BCAS3: variants seen among roughly 807,000 people sequenced by gnomAD.
The protein encoded by BCAS3 is BCAS4/BCAS3 fusion.
BCAS3 carries 53 observed loss-of-function variants against 116.1 expected under a neutral mutation model. The ratio of observed to expected loss-of-function variants is 0.46; its 90% CI spans 0.37 to 0.57. BCAS3 has a LOEUF of 0.57. BCAS3 is among the 20% of genes least tolerant of loss of function. The probability of loss-of-function intolerance (pLI) is 0.00; values close to 1 mark genes in which losing one functional copy is unlikely to be tolerated. For synonymous variants in BCAS3, 391 were observed against 408.2 expected (o/e 0.96, Z 0.51); for missense variants, 917 against 1,165.4 (o/e 0.79, Z 3.10).
In BCAS3 at chr17:61,352,330, T is replaced by C. The variant is rs183351373; in HGVS notation, c.2426-15997T>C. 6.6e-6 allele frequency among the ~76,000 whole-genome samples: 1 copy of C among 152,328 alleles called. No homozygotes were observed. The highest frequency in any genetic ancestry group is 6.5e-5 in the Admixed American group (1 of 15,308). ...TAGGCCCAAAGATAAAAAGATAGGT[T>C]TCTTTGCACACACAAACACACCCTG... On this transcript the variant is annotated intron_variant, in intron 22 of 23. Coordinates refer to ENST00000407086, the MANE Select transcript of BCAS3 (RefSeq NM_017679.5). This position sits in a 1 kb window ranked among gnomAD's most constrained non-coding sequence, Gnocchi z 4.7.
At chr17:61,096,716 T>C (rs1164824339) in intron 22 of BCAS3, among the ~76,000 whole-genome samples, 1 of 152,234 alleles carries the variant, frequency 6.6e-6, no homozygotes, top group Non-Finnish European at 1.5e-5. Context: ...ATTACACTTG[T>C]TTAAACCTCC....
At position 61,282,818 on chromosome 17, in the gene BCAS3, T is replaced by C. The variant is rs146403465; in HGVS notation, c.2426-85509T>C. 0.023 allele frequency among the ~76,000 whole-genome samples: 3,466 copies of C among 152,222 alleles called. 57 individuals are homozygous for C. Among genetic ancestry groups the C allele is most frequent in the Middle Eastern group, 0.089 (26 of 292 alleles). ...CAAAATGTGAATTTTAAACATTTTTTATCCAGATAATTTTTTCACAGAGGG... is the reference window on the plus strand; with the variant it reads ...CAAAATGTGAATTTTAAACATTTTTCATCCAGATAATTTTTTCACAGAGGG... On this transcript the variant is annotated intron_variant, in intron 22 of 23. Coordinates refer to ENST00000407086, the MANE Select transcript of BCAS3 (RefSeq NM_017679.5). The surrounding 1 kb of genome is among the most constrained non-coding windows in gnomAD (Gnocchi z 5.9).
chr17:61,262,403 A>G (rs1313624433), intron 22 of BCAS3, among the ~76,000 whole-genome samples: 1 of 149,000 alleles, frequency 6.7e-6, no homozygotes, highest in Admixed American at 6.7e-5. Context: ...TTTTTGAGAT[A>G]TAATTCTCAC....
At chr17:61,386,830 G>A (rs186055275) in intron 23 of BCAS3, among the ~76,000 whole-genome samples, 6 of 148,910 alleles carry the variant, frequency 4.0e-5, no homozygotes, top group Admixed American at 6.7e-5. Flanking sequence ...CCAGGCTGGA[G>A]TGTAGTGGCA....
rs577056909 is a variant in BCAS3 at position 61,351,398 on chromosome 17, A to C, written c.2426-16929A>C. The stretch of plus-strand genomic sequence containing the variant: ...GTGGTGAAAGCACCAACCGAAGGCC[A>C]GCTGGCTTCTGGGAGTAAAATCAGT... On this transcript the variant is annotated intron_variant, in intron 22 of 23. Transcript: ENST00000407086. Among the ~76,000 whole-genome samples the C allele has an allele frequency of 2.0e-5, 3 of 152,360 alleles. No homozygotes were observed. In the East Asian group the frequency reaches 5.8e-4, roughly 29 times the overall value.
intron 7 of BCAS3, among the ~76,000 whole-genome samples, chr17:60,838,806 T>A (rs2051613391): frequency 6.6e-6 from 1 of 152,138 alleles, no homozygotes; most frequent in African/African-American, 2.4e-5. Flanking sequence ...TATGCATGGT[T>A]TTTGTTGTTT....
intron 7 of BCAS3, chr17:60,811,148 A>AG (rs2144637371): frequency 1.6e-6 from 1 of 634,662 alleles, no homozygotes; most frequent in Admixed American, 2.1e-5. Context: ...AGGGAGGTGG[A>AG]GGCCCACTAC....
chr17:61,236,272 T>C (rs1468326280), intron 22 of BCAS3, among the ~76,000 whole-genome samples: 1 of 152,170 alleles, frequency 6.6e-6, no homozygotes, highest in Non-Finnish European at 1.5e-5. Context: ...TTGCTCTTCT[T>C]CTTAGATCTT....
At chr17:60,819,466 C>A (rs866125264) in intron 7 of BCAS3, among the ~76,000 whole-genome samples, 11 of 152,246 alleles carry the variant, frequency 7.2e-5, no homozygotes, top group Middle Eastern at 3.4e-3. Flanking sequence ...TGTATATTTT[C>A]TTGTGATATT....
intron 13 of BCAS3, among the ~76,000 whole-genome samples, chr17:60,927,964 G>A (rs1391420360): frequency 6.6e-6 from 1 of 151,788 alleles, no homozygotes; most frequent in Non-Finnish European, 1.5e-5. Context: ...AGTGGTTCTT[G>A]GCTTGCTAAA....
chr17:61,081,396 T>C (rs191987851), intron 21 of BCAS3, among the ~76,000 whole-genome samples: 5 of 152,350 alleles, frequency 3.3e-5, no homozygotes, highest in African/African-American at 1.2e-4. Flanking sequence ...AAAGCAGATA[T>C]AGCTACTTTT....
At chr17:60,729,473 G>A (rs1051518523) in intron 5 of BCAS3, among the ~76,000 whole-genome samples, 40 of 151,784 alleles carry the variant, frequency 2.6e-4, no homozygotes, top group Admixed American at 5.3e-4. Context: ...ATTTCCATTT[G>A]CAGTATCTGG....
rs1338222867 is a variant in BCAS3, at chr17:61,151,462, C to G, written c.2425+66898C>G. 6.7e-6 allele frequency among the ~76,000 whole-genome samples: 1 copy of G among 148,918 alleles called. No individual in the cohort carries two copies. The highest frequency in any genetic ancestry group is 2.6e-5 in the African/African-American group (1 of 38,972). On this transcript the variant is annotated intron_variant, in intron 22 of 23. Coordinates refer to ENST00000407086, the MANE Select transcript of BCAS3 (RefSeq NM_017679.5). The surrounding 1 kb of genome is among the most constrained non-coding windows in gnomAD (Gnocchi z 4.8). Reference sequence around the variant, plus strand: ...TTGCTTCTAATCTAAACATCTCTTTCATTCAACGTTTTCTTTTTTTTTTGA... The same window carrying G: ...TTGCTTCTAATCTAAACATCTCTTTGATTCAACGTTTTCTTTTTTTTTTGA...
At chr17:60,982,166 C>T (rs1250285134) in intron 14 of BCAS3, among the ~76,000 whole-genome samples, 2 of 148,402 alleles carry the variant, frequency 1.3e-5, no homozygotes, top group African/African-American at 5.3e-5. Flanking sequence ...TTTTAAAATA[C>T]CAAAGTTATT....
At chr17:60,781,649 C>T (rs1178822849) in intron 6 of BCAS3, among the ~76,000 whole-genome samples, 6 of 151,054 alleles carry the variant, frequency 4.0e-5, no homozygotes, top group Non-Finnish European at 7.4e-5. Flanking sequence ...TATACTTACT[C>T]AGATCACATT....
intron 5 of BCAS3, among the ~76,000 whole-genome samples, chr17:60,719,148 A>C (rs1486094689): frequency 6.6e-6 from 1 of 152,258 alleles, no homozygotes; most frequent in East Asian, 1.9e-4. Context: ...ACTTTTAAAA[A>C]TAAGAAAGGT....
rs893984385 is a variant in BCAS3, at chr17:61,116,258, A to C, written c.2425+31694A>C. 1.7e-4 allele frequency among the ~76,000 whole-genome samples: 10 copies of C among 57,844 alleles called. 1 individual carries two copies. The Admixed American group carries it at 2.6e-3, about 15-fold the overall frequency. The allele number at this position is 57,844 out of a possible 152,430, so 37.9% of individuals were successfully genotyped here. A position where few individuals can be genotyped will look rare whatever the true frequency, so the allele number is the denominator to read the frequency against. ...AAGTATAATAAAAAAATAAATAAAT[A>C]AATAAATAAATAAATAAAATAAAAT... On this transcript the variant is annotated intron_variant, in intron 22 of 23. Transcript: ENST00000407086.
chr17:60,690,177 G>C (rs1298787900), intron 4 of BCAS3, among the ~76,000 whole-genome samples: 5 of 152,068 alleles, frequency 3.3e-5, no homozygotes, highest in African/African-American at 1.2e-4. Flanking sequence ...AAGTGGAATC[G>C]TACAGTATTT....
rs1252401662 is a variant in BCAS3, at chr17:61,337,022, A to G, written c.2426-31305A>G. The stretch of plus-strand genomic sequence containing the variant: ...CAGCTACTCAGGAGGCTGAGGCAGG[A>G]GAATCACTTGAACCTGGGAGGTGGA... On this transcript the variant is annotated intron_variant, in intron 22 of 23. Coordinates refer to ENST00000407086, the MANE Select transcript of BCAS3 (RefSeq NM_017679.5). This position sits in a 1 kb window ranked among gnomAD's most constrained non-coding sequence, Gnocchi z 4.8. Among the ~76,000 whole-genome samples the G allele has an allele frequency of 1.3e-5, 2 of 152,096 alleles. No individual in the cohort carries two copies. Among genetic ancestry groups the G allele is most frequent in the Non-Finnish European group, 2.9e-5 (2 of 68,032 alleles).
Sources: gnomAD v4.1 joint callset for allele counts (sites outside exome capture counted in the v4.1 genomes callset) on GRCh38, gnomAD v4.1.1 for gene constraint, Gnocchi (gnomAD v3.1) non-coding constraint, MANE v1.5 for transcripts, NCBI Gene and HGNC (gene_info 2026-07-23, HGNC 2026-07-21) for gene names.